Variants in DNAAF5 observed in about 807,000 individuals in gnomAD.
The protein encoded by DNAAF5 is dynein axonemal assembly factor 5.
A neutral mutation model predicts 75.8 loss-of-function variants in DNAAF5; 64 were observed. That is an observed-to-expected ratio of 0.84 (90% CI 0.69 to 1.04). The LOEUF (loss-of-function observed/expected upper bound fraction) is 1.04, where lower values mean the gene tolerates loss of function less well. Ranked by LOEUF, DNAAF5 falls within the 50% of genes least tolerant of loss-of-function variation. DNAAF5 has a pLI of 0.00. For missense variants in DNAAF5, 1,269 were observed against 1,178.5 expected (o/e 1.08, Z -1.12); for synonymous variants, 657 against 557.2 (o/e 1.18, Z -2.52).
Position 747,000 on chromosome 7 carries a change from T to A in DNAAF5, c.1024+5535T>A, listed in dbSNP as rs62432219. Among the ~76,000 whole-genome samples, 1,492 of 152,160 alleles carry A rather than the reference T, an allele frequency of 9.8e-3. 16 individuals carry two copies. The highest frequency in any genetic ancestry group is 0.034 in the Middle Eastern group (10 of 294). On this transcript the variant is annotated intron_variant, in intron 4 of 12. Transcript: ENST00000297440. ...ACTTTCCTTCTTCGCGTGAGTCACG[T>A]TCCCTCCCGTGGATGGACCATCTGG...
intron 6 of DNAAF5, among the ~76,000 whole-genome samples, chr7:761,360 G>A (rs75868940): frequency 6.6e-6 from 1 of 152,232 alleles, no homozygotes; most frequent in African/African-American, 2.4e-5. Context: ...CGGAGCGGGA[G>A]CCCTGTATTA....
intron 4 of DNAAF5, among the ~76,000 whole-genome samples, chr7:753,374 G>A (rs1022078286): frequency 7.2e-5 from 11 of 152,230 alleles, no homozygotes; most frequent in African/African-American, 1.7e-4. Context: ...GAGAGTGAAC[G>A]AGAGGCTTCC....
At chr7:768,916 C>T (rs113095163) in intron 8 of DNAAF5, 1 of 538,990 alleles carries the variant, frequency 1.9e-6, no homozygotes, top group African/African-American at 1.9e-5. Flanking sequence ...GCGTGGTTCT[C>T]GTGGCAGGGC....
At chr7:740,707 G>C in intron 2 of DNAAF5, 112 bp from the exon 3 acceptor site, 1 of 1,458,486 alleles carries the variant, frequency 6.9e-7, no homozygotes, top group Admixed American at 1.8e-5. Context: ...GGACCTGGCC[G>C]TGCCTCTGCC....
chr7:743,959 T>C (rs1332848681), intron 4 of DNAAF5, among the ~76,000 whole-genome samples: 1 of 151,296 alleles, frequency 6.6e-6, no homozygotes, highest in Non-Finnish European at 1.5e-5. Context: ...ATTATTATAC[T>C]TTAAGTTTTA....
intron 8 of DNAAF5, among the ~76,000 whole-genome samples, chr7:764,302 C>T (rs1464419983): frequency 1.3e-5 from 2 of 152,200 alleles, no homozygotes; most frequent in Non-Finnish European, 2.9e-5. Flanking sequence ...GATGTCTAGC[C>T]GCATGGGTGC....
Position 754,597 on chromosome 7 carries a change from C to G in DNAAF5, c.1033C>G (p.Pro345Ala). The G allele has an allele frequency of 6.2e-7, 1 of 1,613,904 alleles. No homozygotes were observed. The highest frequency in any genetic ancestry group is 8.5e-7 in the Non-Finnish European group (1 of 1,179,826). The change falls in exon 5 of 13, where the codon CCT becomes GCT. Residue 345 changes from proline (P) to alanine (A), a missense_variant. Pro to Ala is a conservative substitution (Grantham distance 27). Coordinates refer to ENST00000297440, the MANE Select transcript of DNAAF5 (RefSeq NM_017802.4). This position sits in a 1 kb window ranked among gnomAD's most constrained non-coding sequence, Gnocchi z 4.8. The part of the protein sequence containing the change: ...PPHYPPHERR[P>A]VLGCRELVFR... The stretch of plus-strand genomic sequence containing the variant: ...TCCCTTTTTCGTTCCAGAGCGCCGC[C>G]CTGTGCTGGGCTGCCGGGAGCTCGT...
chr7:777,250 AC>A (rs1778792599), intron 11 of DNAAF5, among the ~76,000 whole-genome samples: 1 of 152,180 alleles, frequency 6.6e-6, no homozygotes, highest in African/African-American at 2.4e-5. Context: ...CTTCCATGAA[AC>A]CAGCCCCTGG....
intron 9 of DNAAF5, chr7:772,070 C>G (rs1170860206): frequency 5.9e-5 from 9 of 152,452 alleles, no homozygotes; most frequent in African/African-American, 2.2e-4. Flanking sequence ...GCGCAGAGCA[C>G]CTTCCTGCTG....
rs751295814 is a variant in DNAAF5 at position 761,746 on chromosome 7, C to T, written c.1471-7C>T. 1.4e-5 allele frequency: 22 copies of T among 1,597,938 alleles called. No individual in the cohort carries two copies. Among genetic ancestry groups the T allele is most frequent in the Admixed American group, 1.7e-5 (1 of 58,056 alleles). Reference sequence around the variant, plus strand: ...CAAGCTCTGACGGTGCTGCCGGTCTCTTCCAGGACCTCTACCTGGAGCGCC... The same window carrying T: ...CAAGCTCTGACGGTGCTGCCGGTCTTTTCCAGGACCTCTACCTGGAGCGCC... On this transcript the variant is annotated splice_region_variant and splice_polypyrimidine_tract_variant and intron_variant, in intron 6 of 12. Coordinates refer to ENST00000297440, the MANE Select transcript of DNAAF5 (RefSeq NM_017802.4).
intron 9 of DNAAF5, 61 bp downstream of exon 9, chr7:770,679 C>T: frequency 6.5e-7 from 1 of 1,530,912 alleles, no homozygotes; most frequent in Non-Finnish European, 8.9e-7. Flanking sequence ...GGGTCCCCAT[C>T]TCCCTCCCCA....
chr7:755,019 G>A (rs896922736), intron 5 of DNAAF5, among the ~76,000 whole-genome samples, 198 bp downstream of exon 5: 5 of 152,206 alleles, frequency 3.3e-5, no homozygotes, highest in Non-Finnish European at 7.3e-5. Context: ...GCGTGTTGAG[G>A]GTGAACCCTT....
At chr7:781,726 C>T (rs768715889) in intron 12 of DNAAF5, among the ~76,000 whole-genome samples, 21 of 152,214 alleles carry the variant, frequency 1.4e-4, no homozygotes, top group Non-Finnish European at 8.8e-5. Flanking sequence ...TTTCTATGTG[C>T]ATTTCTCTGA....
chr7:768,779 T>A, intron 8 of DNAAF5: 1 of 206,938 alleles, frequency 4.8e-6, no homozygotes, highest in Non-Finnish European at 9.9e-6. Context: ...CTTTTTCCCA[T>A]CCCAGGAGTT....
At chr7:739,382 C>A (rs954309216) in intron 2 of DNAAF5, among the ~76,000 whole-genome samples, 1 of 152,202 alleles carries the variant, frequency 6.6e-6, no homozygotes, top group Admixed American at 6.5e-5. Flanking sequence ...CGAGACCTGC[C>A]GGCGCCATGG....
At chr7:734,915 C>T (rs554949593) in intron 2 of DNAAF5, among the ~76,000 whole-genome samples, 12 of 151,230 alleles carry the variant, frequency 7.9e-5, no homozygotes, top group Non-Finnish European at 1.5e-4. Context: ...CTCACAGTGT[C>T]GTTGCTCATA....
At chr7:760,299 C>G (rs1782607009) in intron 6 of DNAAF5, among the ~76,000 whole-genome samples, 1 of 152,178 alleles carries the variant, frequency 6.6e-6, no homozygotes, top group South Asian at 2.1e-4. Flanking sequence ...TAGAACCAAC[C>G]CATTGTCTAG....
At position 726,715 on chromosome 7, in the gene DNAAF5, G is replaced by C; in HGVS notation, c.-6G>C. On this transcript the variant is annotated 5_prime_UTR_variant, in exon 1 of 13. Coordinates refer to ENST00000297440, the MANE Select transcript of DNAAF5 (RefSeq NM_017802.4). ...GTTCCCCTTAGTGACCGGCGACGCG[G>C]GCAAGATGGCGGCGCTGGGGGTGGC... The C allele has an allele frequency of 1.6e-6, 2 of 1,239,396 alleles. No individual in the cohort carries two copies. Among genetic ancestry groups the C allele is most frequent in the Non-Finnish European group, 2.0e-6 (2 of 992,460 alleles). 76.8% of individuals were successfully genotyped at this position (1,239,396 alleles called of 1,614,324 possible).
intron 11 of DNAAF5, 41 bp from the exon 12 acceptor site, chr7:779,912 C>T (rs762982197): frequency 1.9e-6 from 3 of 1,559,692 alleles, no homozygotes; most frequent in Admixed American, 3.5e-5. Flanking sequence ...CGTGAAATGT[C>T]TGCTCTAGAC....
Sources: allele counts gnomAD v4.1 joint callset (sites outside exome capture counted in the v4.1 genomes callset), GRCh38; gene constraint gnomAD v4.1.1; non-coding constraint Gnocchi (gnomAD v3.1); transcripts MANE v1.5; gene names NCBI Gene and HGNC (gene_info 2026-07-23, HGNC 2026-07-21).